Variants in PCDHA5 observed in about 807,000 individuals in gnomAD.
The protein encoded by PCDHA5 is protocadherin alpha 5.
PCDHA5 carries 43 observed loss-of-function variants against 61.6 expected under a neutral mutation model. That is an observed-to-expected ratio of 0.70 (90% CI 0.55 to 0.90). PCDHA5 has a LOEUF of 0.90. Among genes scored for constraint, PCDHA5 ranks in the 40% least tolerant of loss-of-function variants. The pLI is 0.00. For missense variants in PCDHA5, 1,298 were observed against 1,222.7 expected, an observed-to-expected ratio of 1.06 and a Z score of -0.92; for synonymous variants, 627 against 543.9, an observed-to-expected ratio of 1.15 and a Z score of -2.13.
intron 1 of PCDHA5, chr5:140,927,595 C>A (rs2084392576): frequency 1.2e-6 from 2 of 1,614,038 alleles, no homozygotes; most frequent in South Asian, 2.2e-5. Context: ...TGTATTTGAG[C>A]GCTCCGTATA....
intron 3 of PCDHA5, among the ~76,000 whole-genome samples, chr5:140,999,965 T>C (rs1439660759): frequency 1.3e-5 from 2 of 151,684 alleles, no homozygotes; most frequent in African/African-American, 4.8e-5. Flanking sequence ...TACCCAGGAG[T>C]AGCAGCTCTA....
chr5:140,949,880 A>G (rs1448161802), intron 1 of PCDHA5, among the ~76,000 whole-genome samples: 1 of 151,692 alleles, frequency 6.6e-6, no homozygotes, highest in African/African-American at 2.4e-5. Flanking sequence ...TTATTTGGGT[A>G]TTCCTCAGAA....
chr5:140,823,053 G>T lies in PCDHA5; in HGVS notation c.1278G>T (p.Ala426=), dbSNP rs150289473. ...SVSVYELVVT[A]RDGGSPSLWA... is the part of the protein sequence containing the mutation. ...CGGTCTATGAGCTGGTGGTGACCGCGCGGGACGGGGGCTCGCCTTCGCTGT... is the reference window on the plus strand; with the variant it reads ...CGGTCTATGAGCTGGTGGTGACCGCTCGGGACGGGGGCTCGCCTTCGCTGT... The change falls in exon 1 of 4, where the codon GCG becomes GCT. Residue 426 remains alanine (A), a synonymous_variant. Coordinates refer to ENST00000529859, the MANE Select transcript of PCDHA5 (RefSeq NM_018908.3). 1.4e-5 allele frequency: 23 copies of T among 1,614,068 alleles called. No individual in the cohort carries two copies. The African/African-American group carries it at 2.9e-4, about 21-fold the overall frequency.
intron 1 of PCDHA5, chr5:140,862,499 G>T (rs1581644581): frequency 2.5e-6 from 1 of 396,118 alleles, no homozygotes; most frequent in East Asian, 6.8e-5. Flanking sequence ...CGCTCGGAAT[G>T]GGGACTCGCT....
At chr5:140,834,251 G>T in intron 1 of PCDHA5, 1 of 915,122 alleles carries the variant, frequency 1.1e-6, no homozygotes, top group Non-Finnish European at 1.7e-6. Context: ...GCACTGGAAA[G>T]ACGCTCCACT....
chr5:140,928,642 G>C, intron 1 of PCDHA5: 1 of 1,614,232 alleles, frequency 6.2e-7, no homozygotes, highest in African/African-American at 1.3e-5. Flanking sequence ...CACAAAAGTG[G>C]TAGCAGAGGA....
intron 1 of PCDHA5, among the ~76,000 whole-genome samples, chr5:140,887,688 G>GA (rs1453843716): frequency 4.2e-4 from 64 of 151,926 alleles, no homozygotes; most frequent in Middle Eastern, 3.2e-3. Context: ...TCAAATTCAG[G>GA]AAAAAATCAA....
At chr5:140,897,759 G>A (rs1238732675) in intron 1 of PCDHA5, among the ~76,000 whole-genome samples, 7 of 152,228 alleles carry the variant, frequency 4.6e-5, no homozygotes, top group South Asian at 2.1e-4. Flanking sequence ...CTGAGGAATC[G>A]CCACACTGAC....
intron 3 of PCDHA5, among the ~76,000 whole-genome samples, chr5:140,994,339 A>T (rs1279466681): frequency 6.6e-6 from 1 of 152,146 alleles, no homozygotes; most frequent in Non-Finnish European, 1.5e-5. Context: ...TGAACAGTGG[A>T]TGTTGTGGGA....
chr5:140,905,882 A>G (rs1213836068), intron 1 of PCDHA5, among the ~76,000 whole-genome samples: 1 of 152,192 alleles, frequency 6.6e-6, no homozygotes, highest in Admixed American at 6.5e-5. Context: ...GCCCAACAAT[A>G]GGCCATCTGC....
chr5:140,870,944 CG>C, intron 1 of PCDHA5: 1 of 1,613,658 alleles, frequency 6.2e-7, no homozygotes, highest in Non-Finnish European at 8.5e-7. Flanking sequence ...CAGCCGGCGG[CG>C]GGCGGCTCGC....
chr5:140,853,923 T>C lies in PCDHA5; in HGVS notation c.2352+29796T>C, dbSNP rs150827815. 226 of 917,558 alleles carry C rather than the reference T, an allele frequency of 2.5e-4. 13 individuals carry two copies. The highest frequency in any genetic ancestry group is 2.8e-4 in the Non-Finnish European group (208 of 754,762). The allele number at this position is 917,558 out of a possible 1,614,324, so 56.8% of individuals were successfully genotyped here. A position where few individuals can be genotyped will look rare whatever the true frequency, so the allele number is the denominator to read the frequency against. On this transcript the variant is annotated intron_variant, in intron 1 of 3. Coordinates refer to ENST00000529859, the MANE Select transcript of PCDHA5 (RefSeq NM_018908.3). Reference sequence around the variant, plus strand: ...TGGCCTGACACCTGCAATCCCAACATTTTGGGAGGCCAAGGTGGGAGGGTC... The same window carrying C: ...TGGCCTGACACCTGCAATCCCAACACTTTGGGAGGCCAAGGTGGGAGGGTC...
rs2150218754 is a variant in PCDHA5, at chr5:140,834,459, G to A, written c.2352+10332G>A. On this transcript the variant is annotated intron_variant, in intron 1 of 3. Transcript: ENST00000529859. ...TATTATAATTCTAGCAGCTTGGGAG[G>A]CAGGGAGAGGCCAGCTCCACTACTC... is the stretch of plus-strand genomic sequence containing the variant. 9.3e-6 allele frequency: 15 copies of A among 1,614,052 alleles called. No homozygotes were observed. The highest frequency in any genetic ancestry group is 1.7e-4 in the Middle Eastern group (1 of 6,058).
chr5:140,903,958 T>G (rs960235173), intron 1 of PCDHA5, among the ~76,000 whole-genome samples: 1 of 152,236 alleles, frequency 6.6e-6, no homozygotes, highest in Non-Finnish European at 1.5e-5. Context: ...GAAAATTATT[T>G]GTTGATTTTT....
intron 1 of PCDHA5, chr5:140,928,625 A>T: frequency 6.2e-7 from 1 of 1,614,224 alleles, no homozygotes; most frequent in African/African-American, 1.3e-5. Flanking sequence ...AGGACTGGAC[A>T]CTTGGTCACA....
At chr5:140,872,661 TA>T (rs1211452464) in intron 1 of PCDHA5, among the ~76,000 whole-genome samples, 12 of 152,166 alleles carry the variant, frequency 7.9e-5, no homozygotes, top group African/African-American at 2.9e-4. Flanking sequence ...ATTTGTCAAC[TA>T]TTGGATACTC....
intron 1 of PCDHA5, among the ~76,000 whole-genome samples, chr5:140,956,062 T>G (rs2153708941): frequency 6.6e-6 from 1 of 152,228 alleles, no homozygotes; most frequent in South Asian, 2.1e-4. Flanking sequence ...GACAATGGGG[T>G]TTTCCAGATA....
intron 1 of PCDHA5, among the ~76,000 whole-genome samples, chr5:140,946,310 A>G (rs562859671): frequency 2.6e-5 from 4 of 152,074 alleles, no homozygotes; most frequent in African/African-American, 4.8e-5. Context: ...TAGAATGGCT[A>G]TTATTGAAAG....
chr5:140,830,763 A>T, intron 1 of PCDHA5: 1 of 176,090 alleles, frequency 5.7e-6, no homozygotes, highest in Non-Finnish European at 1.2e-5. Context: ...TTTAATTCAG[A>T]ATCATAGTAG....
Sources: allele counts gnomAD v4.1 joint callset (sites outside exome capture counted in the v4.1 genomes callset), GRCh38; gene constraint gnomAD v4.1.1; transcripts MANE v1.5; gene names NCBI Gene and HGNC (gene_info 2026-07-23, HGNC 2026-07-21).